PDE1C: variants seen among roughly 807,000 people sequenced by gnomAD.
PDE1C encodes dual specificity calcium/calmodulin-dependent 3',5'-cyclic nucleotide phosphodiesterase 1C.
Under a neutral mutation model 93.1 loss-of-function variants are expected in PDE1C, and 62 were observed. The ratio of observed to expected loss-of-function variants is 0.67; its 90% confidence interval spans 0.54 to 0.82. The LOEUF is 0.82. PDE1C is among the 40% of genes least tolerant of loss of function. PDE1C has a pLI of 0.00. For synonymous variants in PDE1C, 325 were observed against 310.1 expected (o/e 1.05, Z -0.50); for missense variants, 742 against 884.6 (o/e 0.84, Z 2.04).
At chr7:31,940,181 A>C (rs1805627213) in intron 2 of PDE1C, among the ~76,000 whole-genome samples, 1 of 152,184 alleles carries the variant, frequency 6.6e-6, no homozygotes, top group Non-Finnish European at 1.5e-5. Flanking sequence ...ATTTGAACTC[A>C]TATCTATCTG....
At chr7:32,326,746 C>T (rs548415733) in intron 1 of PDE1C, among the ~76,000 whole-genome samples, 6 of 152,216 alleles carry the variant, frequency 3.9e-5, no homozygotes, top group African/African-American at 1.4e-4. Context: ...TAATCTGCTG[C>T]ATACAGATGC....
At chr7:31,998,026 A>T (rs7800312) in intron 2 of PDE1C, among the ~76,000 whole-genome samples, 4,798 of 148,698 alleles carry the variant, frequency 0.032, 262 homozygotes, top group African/African-American at 0.11. Flanking sequence ...TTATTTATTT[A>T]TTTATTTTTT....
intron 7 of PDE1C, among the ~76,000 whole-genome samples, chr7:31,859,119 C>CTA (rs71559205): frequency 0.25 from 36,715 of 147,744 alleles, 5,010 homozygotes; most frequent in Non-Finnish European, 0.31. Context: ...GATGTATTGA[C>CTA]TATATATATA....
chr7:31,664,751 G>T, the PDE1C span, among the ~76,000 whole-genome samples: 1 of 152,148 alleles, frequency 6.6e-6, no homozygotes, highest in African/African-American at 2.4e-5. Context: ...AGATCATGAG[G>T]ATATCCCTGA....
the PDE1C span, among the ~76,000 whole-genome samples, chr7:31,722,171 C>T: frequency 0.056 from 8,549 of 152,022 alleles, 770 homozygotes; most frequent in African/African-American, 0.19. Flanking sequence ...CCCTGGTGAG[C>T]TTAGCTACCC....
At chr7:32,064,033 T>A (rs758007453) in intron 1 of PDE1C, among the ~76,000 whole-genome samples, 2 of 151,952 alleles carry the variant, frequency 1.3e-5, no homozygotes, top group African/African-American at 2.4e-5. Context: ...AATGGGAGAG[T>A]AAAAGGACCA....
intron 16 of PDE1C, among the ~76,000 whole-genome samples, chr7:31,792,132 G>A (rs1026245011): frequency 2.0e-5 from 3 of 152,050 alleles, no homozygotes; most frequent in Admixed American, 6.6e-5. Context: ...CATCATCCCT[G>A]GCCTTCCCAA....
At chr7:32,394,115 G>A (rs1032673345) in intron 1 of PDE1C, among the ~76,000 whole-genome samples, 2 of 152,194 alleles carry the variant, frequency 1.3e-5, no homozygotes, top group African/African-American at 4.8e-5. Flanking sequence ...TAAAGCTTCC[G>A]AGTTATCTGC....
intron 1 of PDE1C, among the ~76,000 whole-genome samples, chr7:32,341,175 T>G (rs111846372): frequency 1.3e-5 from 1 of 77,504 alleles, no homozygotes; most frequent in African/African-American, 5.8e-5. Flanking sequence ...AATAAAGTCT[T>G]TTTTTTTTTT....
At chr7:31,774,687 T>G (rs1052781716) in intron 17 of PDE1C, among the ~76,000 whole-genome samples, 2 of 152,202 alleles carry the variant, frequency 1.3e-5, no homozygotes, top group Non-Finnish European at 2.9e-5. Flanking sequence ...TACTGAAATA[T>G]TTGTTGAAGT....
the PDE1C span, among the ~76,000 whole-genome samples, chr7:31,730,527 C>T: frequency 1.3e-5 from 2 of 152,164 alleles, no homozygotes; most frequent in African/African-American, 4.8e-5. Flanking sequence ...GAGAATTGCC[C>T]CTGTGCAGTA....
At chr7:31,872,584 C>T (rs1308063046) in intron 6 of PDE1C, among the ~76,000 whole-genome samples, 8 of 152,152 alleles carry the variant, frequency 5.3e-5, no homozygotes, top group South Asian at 2.1e-4. Flanking sequence ...ACCACATCTC[C>T]GGAGAAATCA....
In PDE1C at chr7:32,237,002, G is replaced by A. The variant is rs79436549; in HGVS notation, c.86-27463C>T. Among the ~76,000 whole-genome samples, 378 of 151,264 alleles carry A rather than the reference G, an allele frequency of 2.5e-3. 1 individual carries two copies. The highest frequency in any genetic ancestry group is 8.8e-3 in the African/African-American group (361 of 41,186). Reference sequence around the variant, plus strand: ...ACTGATACATGCAACATCTGGAATGGATCTTGTAGGCATTATTCTGAGTCA... The same window carrying A: ...ACTGATACATGCAACATCTGGAATGAATCTTGTAGGCATTATTCTGAGTCA... On this transcript the variant is annotated intron_variant, in intron 1 of 18. Coordinates refer to the PDE1C transcript ENST00000396193.
chr7:31,974,826 C>T (rs1811435537), intron 2 of PDE1C, among the ~76,000 whole-genome samples: 1 of 152,192 alleles, frequency 6.6e-6, no homozygotes, highest in African/African-American at 2.4e-5. Context: ...GATGGTTGTA[C>T]AACTCTGTAA....
At chr7:32,181,223 A>G (rs1005224760) in intron 2 of PDE1C, among the ~76,000 whole-genome samples, 1 of 152,198 alleles carries the variant, frequency 6.6e-6, no homozygotes, top group African/African-American at 2.4e-5. Flanking sequence ...CCCACTGTCA[A>G]CATTAGACAG....
At chr7:32,077,853 TTTATTA>T (rs1415354369) in intron 3 of PDE1C, 1 of 981,366 alleles carries the variant, frequency 1.0e-6, no homozygotes, top group Non-Finnish European at 1.2e-6. Flanking sequence ...ACAGGCATAC[TTTATTA>T]TTATTATTAC....
chr7:31,651,128 C>T, the PDE1C span: 1 of 1,609,168 alleles, frequency 6.2e-7, no homozygotes, highest in African/African-American at 1.3e-5. Flanking sequence ...TCAGTTCTTT[C>T]TCATTGTTCT....
intron 1 of PDE1C, among the ~76,000 whole-genome samples, chr7:32,307,176 G>C (rs570724895): frequency 1.3e-5 from 2 of 152,202 alleles, no homozygotes; most frequent in South Asian, 4.2e-4. Flanking sequence ...CCACAATAAA[G>C]ATTTTTTTTT....
At chr7:31,771,729 T>C (rs1348302502) in intron 17 of PDE1C, among the ~76,000 whole-genome samples, 2 of 152,212 alleles carry the variant, frequency 1.3e-5, no homozygotes, top group Non-Finnish European at 2.9e-5. Context: ...AAAAAGTTTT[T>C]AATTTTAATG....
Sources: gnomAD v4.1 joint callset for allele counts (sites outside exome capture counted in the v4.1 genomes callset) on GRCh38, gnomAD v4.1.1 for gene constraint, MANE v1.5 for transcripts, NCBI Gene and HGNC (gene_info 2026-07-23, HGNC 2026-07-21) for gene names.